The following RAB33A variants were observed in gnomAD, a reference collection of about 807,000 sequenced individuals.
RAB33A encodes ras-related protein Rab-33A.
Under a neutral mutation model 12.0 loss-of-function variants are expected in RAB33A, and 6 were observed. That is an observed-to-expected ratio of 0.50 (90% CI 0.27 to 0.99). The LOEUF (loss-of-function observed/expected upper bound fraction) is 0.99, where lower values mean the gene tolerates loss of function less well. RAB33A is among the 50% of genes least tolerant of loss of function. RAB33A has a pLI of 0.11. For missense variants in RAB33A, 109 were observed against 192.0 expected (o/e 0.57, Z 2.55); for synonymous variants, 70 against 82.4 (o/e 0.85, Z 0.81).
the RAB33A span, among the ~76,000 whole-genome samples, chrX:130,160,482 C>T: frequency 5.3e-4 from 59 of 112,166 alleles, no homozygotes; most frequent in African/African-American, 1.5e-3. Context: ...CAGCGCCAGA[C>T]GACACACAGA....
chrX:130,147,900 A>G, the RAB33A span: 1 of 1,211,104 alleles, frequency 8.3e-7, no homozygotes, highest in Non-Finnish European at 1.1e-6. Context: ...AACAGACTGG[A>G]TGAATCTTCT....
the RAB33A span, chrX:130,136,636 T>A: frequency 8.3e-7 from 1 of 1,206,874 alleles, no homozygotes; most frequent in East Asian, 3.0e-5. Flanking sequence ...ATCTTTTCCT[T>A]CCTTACCTTC....
At chrX:130,182,850 T>C (rs1190694503) in intron 1 of RAB33A, among the ~76,000 whole-genome samples, 2 of 112,372 alleles carry the variant, frequency 1.8e-5, no homozygotes, top group African/African-American at 6.5e-5. Flanking sequence ...ATTTAGTCTT[T>C]GAAAACATTA....
upstream of RAB33A, among the ~76,000 whole-genome samples, chrX:130,170,254 G>T (rs940655800): frequency 8.9e-6 from 1 of 112,411 alleles, no homozygotes; most frequent in Non-Finnish European, 1.9e-5. Flanking sequence ...ATTCCAATTT[G>T]CTTTCAGGTA....
the RAB33A span, among the ~76,000 whole-genome samples, chrX:130,165,084 T>A: frequency 9.1e-6 from 1 of 110,397 alleles, no homozygotes; most frequent in African/African-American, 3.3e-5. Context: ...CGTTTCTGTT[T>A]CACTGGGCAT....
At chrX:130,180,321 C>T (rs1186364659) in intron 1 of RAB33A, among the ~76,000 whole-genome samples, 2 of 112,561 alleles carry the variant, frequency 1.8e-5, no homozygotes, top group African/African-American at 3.2e-5. Context: ...ATTCAGAGAT[C>T]GGGCACTGGG....
chrX:130,183,788 A>G (rs971854703), intron 1 of RAB33A, among the ~76,000 whole-genome samples: 1 of 112,289 alleles, frequency 8.9e-6, no homozygotes, highest in African/African-American at 3.2e-5. Context: ...TCAGTTAACA[A>G]TCTTAAGAAA....
chrX:130,124,136 C>T, the RAB33A span, among the ~76,000 whole-genome samples: 2 of 111,289 alleles, frequency 1.8e-5, no homozygotes, highest in African/African-American at 6.5e-5. Context: ...AATGAAGTTC[C>T]AATCGGAACT....
At chrX:130,116,968 C>T in the RAB33A span, among the ~76,000 whole-genome samples, 2 of 112,390 alleles carry the variant, frequency 1.8e-5, no homozygotes, top group African/African-American at 3.2e-5. Context: ...AATCCCAGCA[C>T]TTTGGGAGGC....
chrX:130,135,173 C>A, the RAB33A span, among the ~76,000 whole-genome samples: 7 of 108,673 alleles, frequency 6.4e-5, no homozygotes, highest in Non-Finnish European at 1.1e-4. Flanking sequence ...GCCTCTGCCT[C>A]CTTAGTTCAA....
At chrX:130,133,189 T>TG in the RAB33A span, 6 of 903,324 alleles carry the variant, frequency 6.6e-6, no homozygotes, top group Admixed American at 1.3e-4. Context: ...GGACATAAGA[T>TG]GGACTTTTTT....
At chrX:130,129,533 G>A in the RAB33A span, 1 of 1,197,816 alleles carries the variant, frequency 8.3e-7, no homozygotes, top group Middle Eastern at 2.3e-4. Flanking sequence ...GCTGCAGTGG[G>A]TTTGCCAATT....
chrX:130,116,450 T>G, the RAB33A span, among the ~76,000 whole-genome samples: 3 of 111,608 alleles, frequency 2.7e-5, no homozygotes, highest in Non-Finnish European at 5.6e-5. Flanking sequence ...CGCATCACCA[T>G]GCTCAGCTAA....
chrX:130,114,523 A>T, the RAB33A span, among the ~76,000 whole-genome samples: 8 of 112,180 alleles, frequency 7.1e-5, no homozygotes, highest in African/African-American at 2.6e-4. Flanking sequence ...CACTGTTTCT[A>T]CCAATGGCTC....
intron 1 of RAB33A, among the ~76,000 whole-genome samples, chrX:130,173,853 G>A (rs1181582047): frequency 8.9e-6 from 1 of 112,148 alleles, no homozygotes; most frequent in African/African-American, 3.2e-5. Flanking sequence ...GTAATCCAAA[G>A]TAGAAATATC....
At chrX:130,171,778 C>T, upstream of RAB33A, 2 of 346,381 alleles carry the variant, frequency 5.8e-6, no homozygotes, top group South Asian at 5.8e-5. Context: ...GCTCGCGGCT[C>T]GTCCACTCTC....
the RAB33A span, among the ~76,000 whole-genome samples, chrX:130,134,710 T>C: frequency 9.0e-6 from 1 of 110,963 alleles, no homozygotes; most frequent in Non-Finnish European, 1.9e-5. Context: ...CTGGACCAGC[T>C]TCATGAAGGA....
At chrX:130,136,769 G>A in the RAB33A span, 1 of 1,164,210 alleles carries the variant, frequency 8.6e-7, no homozygotes, top group Non-Finnish European at 1.2e-6. Flanking sequence ...GAGCCTACAA[G>A]GCTATCACTT....
At chrX:130,140,665 T>C in the RAB33A span, 23 of 983,219 alleles carry the variant, frequency 2.3e-5, no homozygotes, top group African/African-American at 3.6e-4. Context: ...TGAATTAGCA[T>C]TGAAAAAGTT....
Sources: allele counts gnomAD v4.1 joint callset (sites outside exome capture counted in the v4.1 genomes callset), GRCh38; gene constraint gnomAD v4.1.1; transcripts MANE v1.5; gene names NCBI Gene and HGNC (gene_info 2026-07-23, HGNC 2026-07-21).